TENM3: variants seen among roughly 807,000 people sequenced by gnomAD.
The protein encoded by TENM3 is teneurin transmembrane protein 3.
Under a neutral mutation model 255.1 loss-of-function variants are expected in TENM3, and 63 were observed. That is an observed-to-expected ratio of 0.25 (90% CI 0.20 to 0.30). The LOEUF is 0.30. TENM3 is among the 10% of genes least tolerant of loss of function. The probability of loss-of-function intolerance (pLI) is 1.00; values close to 1 mark genes in which losing one functional copy is unlikely to be tolerated. For synonymous variants in TENM3, 1,306 were observed against 1,322.3 expected, an observed-to-expected ratio of 0.99 and a Z score of 0.27; for missense variants, 2,929 against 3,461.1, an observed-to-expected ratio of 0.85 and a Z score of 3.86.
the TENM3 span, among the ~76,000 whole-genome samples, chr4:181,504,184 T>C: frequency 2.0e-5 from 3 of 152,172 alleles, no homozygotes; most frequent in Admixed American, 6.5e-5. Context: ...GCAGCCATTC[T>C]GAATAGAAGC....
rs1310496835 is a variant in TENM3, at chr4:182,789,401, A to C, written c.5601+12A>C. ...CATATTTAGAAAAGGTATGCCTGCA[A>C]ACTAAGCTCAACAATAGGGAAAGGA... On this transcript the variant is annotated intron_variant, in intron 25 of 27. Coordinates refer to ENST00000511685, the MANE Select transcript of TENM3 (RefSeq NM_001080477.4). This position sits in a 1 kb window ranked among gnomAD's most constrained non-coding sequence, Gnocchi z 4.4. 5.6e-6 allele frequency: 9 copies of C among 1,602,990 alleles called. No individual in the cohort carries two copies. Among genetic ancestry groups the C allele is most frequent in the African/African-American group, 1.3e-5 (1 of 74,730 alleles).
At chr4:181,940,378 G>A in the TENM3 span, among the ~76,000 whole-genome samples, 38 of 152,066 alleles carry the variant, frequency 2.5e-4, no homozygotes, top group African/African-American at 8.2e-4. Flanking sequence ...ATTTAGCTTC[G>A]CCAGAATCAC....
the TENM3 span, among the ~76,000 whole-genome samples, chr4:181,450,617 T>C: frequency 6.6e-6 from 1 of 152,318 alleles, no homozygotes; most frequent in East Asian, 1.9e-4. Flanking sequence ...ACCTGACTTG[T>C]TCAGATGACA....
intron 3 of TENM3, among the ~76,000 whole-genome samples, chr4:182,437,814 T>G (rs13140779): frequency 0.49 from 72,462 of 149,168 alleles, 18,009 homozygotes; most frequent in South Asian, 0.6. Context: ...AAAAAAAATA[T>G]CTGGGCGGGC....
intron 1 of TENM3, among the ~76,000 whole-genome samples, chr4:182,312,260 G>T (rs939969991): frequency 6.6e-6 from 1 of 152,214 alleles, no homozygotes; most frequent in Non-Finnish European, 1.5e-5. Flanking sequence ...ACTTTGGGAG[G>T]CCAAGGCCTG....
At chr4:181,713,698 A>G in the TENM3 span, among the ~76,000 whole-genome samples, 1 of 152,182 alleles carries the variant, frequency 6.6e-6, no homozygotes, top group Non-Finnish European at 1.5e-5. Context: ...CCAGTAGACT[A>G]GATATCCCTA....
At chr4:181,975,533 T>G in the TENM3 span, 1 of 152,246 alleles carries the variant, frequency 6.6e-6, no homozygotes, top group Non-Finnish European at 1.5e-5. Flanking sequence ...TTTGCTGTTT[T>G]GAATAGTGCT....
chr4:181,793,032 G>A, the TENM3 span, among the ~76,000 whole-genome samples: 7 of 151,976 alleles, frequency 4.6e-5, no homozygotes, highest in East Asian at 9.7e-4. Context: ...GACAAACACT[G>A]TTACCTGTTT....
At chr4:182,274,569 A>G (rs1759867958) in intron 1 of TENM3, among the ~76,000 whole-genome samples, 1 of 152,112 alleles carries the variant, frequency 6.6e-6, no homozygotes, top group African/African-American at 2.4e-5. Flanking sequence ...GCCGTGTTCT[A>G]CCTCCATCAC....
At chr4:182,467,343 A>G (rs964596163) in intron 3 of TENM3, among the ~76,000 whole-genome samples, 10 of 152,226 alleles carry the variant, frequency 6.6e-5, no homozygotes, top group Admixed American at 5.2e-4. Flanking sequence ...CTGATTTGTA[A>G]TTTATTTTGA....
At chr4:181,751,415 G>GAAAAAAAA in the TENM3 span, among the ~76,000 whole-genome samples, 2 of 114,716 alleles carry the variant, frequency 1.7e-5, no homozygotes, top group Non-Finnish European at 3.7e-5. Flanking sequence ...CCTTCCAAAG[G>GAAAAAAAA]AAAAAAAAAA....
At chr4:181,714,090 A>T in the TENM3 span, among the ~76,000 whole-genome samples, 23 of 152,286 alleles carry the variant, frequency 1.5e-4, no homozygotes, top group African/African-American at 5.5e-4. Flanking sequence ...CTCAGAAAAC[A>T]CTTTGGGAAA....
chr4:182,561,485 G>T (rs750351040), intron 3 of TENM3, among the ~76,000 whole-genome samples: 3 of 151,030 alleles, frequency 2.0e-5, no homozygotes, highest in Admixed American at 6.6e-5. Context: ...TTTTCCCTGG[G>T]TAATGGATTA....
chr4:181,716,715 C>T, the TENM3 span, among the ~76,000 whole-genome samples: 1 of 152,254 alleles, frequency 6.6e-6, no homozygotes, highest in South Asian at 2.1e-4. Flanking sequence ...AGAACTGACA[C>T]AAAGTAAGTC....
At chr4:182,010,380 T>C in the TENM3 span, among the ~76,000 whole-genome samples, 2 of 152,120 alleles carry the variant, frequency 1.3e-5, no homozygotes, top group Non-Finnish European at 1.5e-5. Flanking sequence ...GAAACAGATA[T>C]GTGATTCAGA....
In TENM3 at chr4:182,792,428, A is replaced by C; in HGVS notation, c.5756A>C (p.Glu1919Ala). 1 of 1,614,028 alleles carries C rather than the reference A, an allele frequency of 6.2e-7. No individual in the cohort carries two copies. The highest frequency in any genetic ancestry group is 1.1e-5 in the South Asian group (1 of 91,088). The change falls in exon 26 of 28, where the codon GAA becomes GCA. Residue 1919 changes from glutamate to alanine, a missense_variant. Physicochemically the swap from Glu to Ala is moderately radical, Grantham distance 107 (BLOSUM62 -1). Around this residue, in one of 6 missense-constraint regions of TENM3, gnomAD observed 303 missense variants for 425.2 expected, o/e 0.71. Coordinates refer to ENST00000511685, the MANE Select transcript of TENM3 (RefSeq NM_001080477.4). This position sits in a 1 kb window ranked among gnomAD's most constrained non-coding sequence, Gnocchi z 6.3. ...GYYRNIYNPP[E>A]SNASIITDYN... ...TACCGCAACATATACAACCCCCCGGAAAGCAACGCCTCCATCATCACGGAC... is the reference window on the plus strand; with the variant it reads ...TACCGCAACATATACAACCCCCCGGCAAGCAACGCCTCCATCATCACGGAC...
At chr4:182,550,087 A>C (rs1741849285) in intron 3 of TENM3, among the ~76,000 whole-genome samples, 1 of 152,198 alleles carries the variant, frequency 6.6e-6, no homozygotes, top group Non-Finnish European at 1.5e-5. Context: ...TATTTTATGG[A>C]GTTACATTTT....
the TENM3 span, among the ~76,000 whole-genome samples, chr4:182,102,036 G>C: frequency 6.6e-6 from 1 of 152,214 alleles, no homozygotes; most frequent in South Asian, 2.1e-4. Flanking sequence ...AAGTCTCCTA[G>C]GGTCCAGCCA....
At chr4:182,005,162 GTATTGCC>G in the TENM3 span, among the ~76,000 whole-genome samples, 2 of 152,144 alleles carry the variant, frequency 1.3e-5, no homozygotes, top group Non-Finnish European at 2.9e-5. Context: ...GTCCTGAATG[GTATTGCC>G]TAGGTTTTCT....
Sources: gnomAD v4.1 joint callset for allele counts (sites outside exome capture counted in the v4.1 genomes callset) on GRCh38, gnomAD v4.1.1 for gene constraint, gnomAD v4.1.1 regional missense constraint, Gnocchi (gnomAD v3.1) non-coding constraint, MANE v1.5 for transcripts, NCBI Gene and HGNC (gene_info 2026-07-23, HGNC 2026-07-21) for gene names.